Variants in NAALADL2 observed in about 807,000 individuals in gnomAD.
NAALADL2 encodes the protein N-acetylated alpha-linked acidic dipeptidase like 2.
In NAALADL2, 76 loss-of-function variants were observed where a neutral mutation model predicts 87.2. The ratio of observed to expected loss-of-function variants is 0.87; its 90% CI spans 0.72 to 1.05. The LOEUF (loss-of-function observed/expected upper bound fraction) is 1.05, where lower values mean the gene tolerates loss of function less well. Among genes scored for constraint, NAALADL2 ranks in the 50% least tolerant of loss-of-function variants. The pLI, the probability that NAALADL2 is intolerant of heterozygous loss-of-function variation, is 0.00. For synonymous variants in NAALADL2, 354 were observed against 331.0 expected (o/e 1.07, Z -0.75); for missense variants, 1,089 against 945.8 (o/e 1.15, Z -1.99).
chr3:175,193,252 T>C (rs937062497), intron 2 of NAALADL2, among the ~76,000 whole-genome samples: 3 of 151,894 alleles, frequency 2.0e-5, no homozygotes, highest in Non-Finnish European at 2.9e-5. Flanking sequence ...CTCTGAGCCT[T>C]GGTTTTCTTA....
At chr3:174,987,827 T>TATATATATATATATATATATAA (rs1222203525) in intron 1 of NAALADL2, among the ~76,000 whole-genome samples, 19 of 130,540 alleles carry the variant, frequency 1.5e-4, no homozygotes, top group African/African-American at 7.0e-4. Context: ...TATATATATA[T>TATATATATATATATATATATAA]AATGAGACCT....
At chr3:174,581,305 G>C (rs1170648056) in intron 2 of NAALADL2, among the ~76,000 whole-genome samples, 1 of 152,114 alleles carries the variant, frequency 6.6e-6, no homozygotes, top group Non-Finnish European at 1.5e-5. Flanking sequence ...TTAAGGCAGG[G>C]AAAGTATATG....
chr3:175,732,566 C>G (rs1407161442), intron 11 of NAALADL2, among the ~76,000 whole-genome samples: 2 of 152,060 alleles, frequency 1.3e-5, no homozygotes, highest in Non-Finnish European at 2.9e-5. Flanking sequence ...AATTATGTTC[C>G]TCTTTGGAGG....
intron 6 of NAALADL2, among the ~76,000 whole-genome samples, chr3:175,451,719 A>T (rs1330149826): frequency 6.6e-6 from 1 of 152,138 alleles, no homozygotes; most frequent in Non-Finnish European, 1.5e-5. Flanking sequence ...CTTAAAACTT[A>T]TCAGTGATGA....
chr3:175,630,090 T>C (rs1727548829), intron 11 of NAALADL2, among the ~76,000 whole-genome samples: 1 of 151,802 alleles, frequency 6.6e-6, no homozygotes, highest in Non-Finnish European at 1.5e-5. Context: ...TCATCATGTC[T>C]ACTTGCACTC....
At chr3:175,266,345 C>T (rs1751930821) in intron 4 of NAALADL2, among the ~76,000 whole-genome samples, 1 of 148,998 alleles carries the variant, frequency 6.7e-6, no homozygotes, top group Non-Finnish European at 1.5e-5. Flanking sequence ...CATTTTAAAT[C>T]AATTTTTTAT....
chr3:175,341,188 C>T (rs1161105112), intron 5 of NAALADL2, among the ~76,000 whole-genome samples: 3 of 152,120 alleles, frequency 2.0e-5, no homozygotes, highest in Non-Finnish European at 4.4e-5. Context: ...CCCCTGGCAA[C>T]TACTAATCAC....
intron 5 of NAALADL2, among the ~76,000 whole-genome samples, chr3:175,428,611 A>G (rs1717221276): frequency 6.6e-6 from 1 of 151,982 alleles, no homozygotes; most frequent in Non-Finnish European, 1.5e-5. Context: ...CATCTTTTCA[A>G]TCTGTCTTCT....
intron 13 of NAALADL2, among the ~76,000 whole-genome samples, chr3:175,786,276 G>T (rs1402403883): frequency 2.0e-5 from 3 of 152,056 alleles, no homozygotes; most frequent in Non-Finnish European, 2.9e-5. Flanking sequence ...AGTTCTCCTG[G>T]ATAATATCCT....
At chr3:174,889,407 C>G (rs1000821097) in intron 1 of NAALADL2, among the ~76,000 whole-genome samples, 1 of 152,104 alleles carries the variant, frequency 6.6e-6, no homozygotes, top group Non-Finnish European at 1.5e-5. Context: ...GGGATTTACA[C>G]CTGGCTTTTT....
chr3:175,151,602 G>T (rs1327602105), intron 2 of NAALADL2, among the ~76,000 whole-genome samples: 1 of 152,026 alleles, frequency 6.6e-6, no homozygotes, highest in Non-Finnish European at 1.5e-5. Context: ...AAACTCTTCA[G>T]CTGAGCATCA....
At chr3:175,769,651 C>G (rs1430654274) in intron 13 of NAALADL2, among the ~76,000 whole-genome samples, 1 of 152,038 alleles carries the variant, frequency 6.6e-6, no homozygotes, top group Non-Finnish European at 1.5e-5. Flanking sequence ...TTTTAATAAT[C>G]TAGGCATGTC....
chr3:174,779,324 TG>T (rs200341632), intron 3 of NAALADL2, among the ~76,000 whole-genome samples: 3 of 151,984 alleles, frequency 2.0e-5, no homozygotes, highest in African/African-American at 4.8e-5. Context: ...TTGATGGGGT[TG>T]TTTTTTTCTT....
chr3:174,782,723 C>G (rs1716140330), intron 3 of NAALADL2, among the ~76,000 whole-genome samples: 1 of 151,862 alleles, frequency 6.6e-6, no homozygotes, highest in Admixed American at 6.6e-5. Flanking sequence ...GAAAACAGGT[C>G]CTTCTTCACA....
intron 3 of NAALADL2, among the ~76,000 whole-genome samples, chr3:174,818,951 T>G (rs1721097424): frequency 6.6e-6 from 1 of 152,042 alleles, no homozygotes; most frequent in Admixed American, 6.6e-5. Flanking sequence ...TAAAAGATTC[T>G]TTTCTATTTT....
intron 11 of NAALADL2, among the ~76,000 whole-genome samples, chr3:175,713,690 CT>C (rs1479107057): frequency 4.6e-5 from 7 of 152,040 alleles, no homozygotes; most frequent in Admixed American, 3.3e-4. Flanking sequence ...TTTCTTTATT[CT>C]TTTTTGTTTG....
chr3:175,181,767 G>GTGTATATATGTGTGTATATT, intron 2 of NAALADL2, among the ~76,000 whole-genome samples: 1 of 121,044 alleles, frequency 8.3e-6, no homozygotes, highest in South Asian at 2.7e-4. Context: ...GTGTATATAT[G>GTGTATATATGTGTGTATATT]TGTGTATATA....
rs112248655 is a variant in NAALADL2 at position 175,249,072 on chromosome 3, G to A, written c.820-7339G>A. On this transcript the variant is annotated intron_variant, in intron 3 of 13. Coordinates refer to ENST00000454872, the MANE Select transcript of NAALADL2 (RefSeq NM_207015.3). Reference sequence around the variant, plus strand: ...GAGTACAACTGAATAGGAATTAGTAGATTATTTATTTAGTTTGGAAATAGC... The same window carrying A: ...GAGTACAACTGAATAGGAATTAGTAAATTATTTATTTAGTTTGGAAATAGC... 3.1e-3 allele frequency among the ~76,000 whole-genome samples: 474 copies of A among 151,984 alleles called. 2 individuals carry two copies. Among genetic ancestry groups the A allele is most frequent in the African/African-American group, 0.011 (445 of 41,454 alleles).
intron 11 of NAALADL2, among the ~76,000 whole-genome samples, chr3:175,639,290 A>T (rs976258349): frequency 1.3e-4 from 18 of 141,728 alleles, no homozygotes; most frequent in Admixed American, 5.6e-4. Context: ...GCTTCTGCCC[A>T]CAGCAGTTTT....
Sources: allele counts gnomAD v4.1 joint callset (sites outside exome capture counted in the v4.1 genomes callset), GRCh38; gene constraint gnomAD v4.1.1; transcripts MANE v1.5; gene names NCBI Gene and HGNC (gene_info 2026-07-23, HGNC 2026-07-21).